Variants in RALGAPA1 observed in about 807,000 individuals in gnomAD.
RALGAPA1 encodes the protein ral GTPase-activating protein subunit alpha-1.
Under a neutral mutation model 269.6 loss-of-function variants are expected in RALGAPA1, and 52 were observed. That is an observed-to-expected ratio of 0.19 (90% CI 0.15 to 0.24). The LOEUF is 0.24. Among genes scored for constraint, RALGAPA1 ranks in the 10% least tolerant of loss-of-function variants. The pLI is 1.00. For missense variants in RALGAPA1, 1,917 were observed against 3,013.9 expected, an observed-to-expected ratio of 0.64 and a Z score of 8.52; for synonymous variants, 817 against 1,008.3, an observed-to-expected ratio of 0.81 and a Z score of 3.60.
chr14:35,771,856 G>A (rs1033131439), intron 3 of RALGAPA1, among the ~76,000 whole-genome samples: 2 of 152,084 alleles, frequency 1.3e-5, no homozygotes, highest in Non-Finnish European at 2.9e-5. Flanking sequence ...TTTCTATATT[G>A]TGGATATCAC....
Position 35,721,835 on chromosome 14 carries a change from A to G in RALGAPA1, c.2119T>C (p.Phe707Leu), listed in dbSNP as rs751579689. 3 of 1,613,068 alleles carry G rather than the reference A, an allele frequency of 1.9e-6. No homozygotes were observed. The African/African-American group carries it at 4.0e-5, about 22-fold the overall frequency. The change falls in exon 16 of 42, where the codon TTT becomes CTT. Residue 707 changes from phenylalanine (F) to leucine (L), a missense_variant. This residue lies in a region of RALGAPA1 where 40 missense variants were observed against 112.6 expected (regional missense o/e 0.36). Transcript: ENST00000680220. ...GACTTGTCAACTGAAACTTTCTGAAATTCATGTCCAACTCCTGGAAATGTA... is the reference window on the plus strand; with the variant it reads ...GACTTGTCAACTGAAACTTTCTGAAGTTCATGTCCAACTCCTGGAAATGTA... ...KHKGKGVGHE[F>L]QKVSVDKSFS...
At chr14:35,569,304 T>C (rs751864154) in intron 39 of RALGAPA1, among the ~76,000 whole-genome samples, 5 of 152,198 alleles carry the variant, frequency 3.3e-5, no homozygotes, top group Non-Finnish European at 7.3e-5. Flanking sequence ...AAATAAAATG[T>C]TTTAAATCAT....
intron 30 of RALGAPA1, among the ~76,000 whole-genome samples, chr14:35,654,074 T>A (rs1163674933): frequency 6.6e-6 from 1 of 152,176 alleles, no homozygotes; most frequent in African/African-American, 2.4e-5. Flanking sequence ...CTGGCCTCAA[T>A]CGATCCTTTC....
chr14:35,627,477 A>G lies in RALGAPA1; in HGVS notation c.6470T>C (p.Ile2157Thr), dbSNP rs923852520. The change falls in exon 34 of 42, where the codon ATA becomes ACA. Residue 2157 changes from isoleucine (I) to threonine (T), a missense_variant. Physicochemically the swap from Ile to Thr is moderately conservative, Grantham distance 89 (BLOSUM62 -1). This residue lies in a region of RALGAPA1 where 25 missense variants were observed against 19.2 expected (regional missense o/e 1.30). Transcript: ENST00000680220. ...PPTSNECLED[I>T]TVKDGLSLQF... is the part of the protein sequence containing the mutation. The stretch of plus-strand genomic sequence containing the variant: ...GAGAGAAAGTCCATCTTTTACGGTT[A>G]TATCTTCTAAGCATTCATTAGATGT... 8.1e-6 allele frequency: 13 copies of G among 1,613,308 alleles called. No homozygotes were observed. The highest frequency in any genetic ancestry group is 1.7e-4 in the Middle Eastern group (1 of 6,052).
chr14:35,639,725 GTCAGGA>G (rs1157932188), intron 31 of RALGAPA1, among the ~76,000 whole-genome samples: 1 of 152,082 alleles, frequency 6.6e-6, no homozygotes, highest in African/African-American at 2.4e-5. Flanking sequence ...GGATCATGAG[GTCAGGA>G]GATTGAGACC....
At chr14:35,779,967 C>T (rs575537653) in intron 1 of RALGAPA1, among the ~76,000 whole-genome samples, 22 of 152,104 alleles carry the variant, frequency 1.4e-4, no homozygotes, top group African/African-American at 4.3e-4. Flanking sequence ...ACTAGCTGGG[C>T]GTGGTGGTGG....
chr14:35,611,370 C>T (rs556464825), intron 35 of RALGAPA1, among the ~76,000 whole-genome samples: 15 of 152,074 alleles, frequency 9.9e-5, no homozygotes, highest in African/African-American at 3.1e-4. Flanking sequence ...GGTGTGGTTG[C>T]GTGCGCTTGT....
chr14:35,635,690 G>T, intron 31 of RALGAPA1, 92 bp from the exon 32 acceptor site: 1 of 1,192,022 alleles, frequency 8.4e-7, no homozygotes, highest in South Asian at 2.5e-5. Flanking sequence ...TCCAAAATTT[G>T]TTTCTGGAAT....
intron 31 of RALGAPA1, among the ~76,000 whole-genome samples, chr14:35,640,112 T>G (rs2061928099): frequency 6.6e-6 from 1 of 151,948 alleles, no homozygotes; most frequent in East Asian, 1.9e-4. Context: ...TTTATAGCTA[T>G]AAGCACCTAC....
At position 35,725,089 on chromosome 14, in the gene RALGAPA1, A is replaced by G; in HGVS notation, c.1801T>C (p.Phe601Leu). The G allele has an allele frequency of 6.2e-7, 1 of 1,609,716 alleles. No individual in the cohort carries two copies. Among genetic ancestry groups the G allele is most frequent in the South Asian group, 1.1e-5 (1 of 90,272 alleles). ...TTTTTTTTCCCTTGGAACTGTAGAA[A>G]AGCTTGTGATGGCATCTTCAGTACA... ...ESVLKMPSQA[F>L]LQFQGKKNMT... Residue 601 changes from phenylalanine to leucine, a missense_variant, in exon 14 of 42, where the codon TTT becomes CTT. Phe to Leu is a conservative substitution (Grantham distance 22, BLOSUM62 0). Coordinates refer to ENST00000680220, the MANE Select transcript of RALGAPA1 (RefSeq NM_001346249.2).
At chr14:35,602,382 G>A (rs1284958789) in intron 36 of RALGAPA1, among the ~76,000 whole-genome samples, 3 of 152,142 alleles carry the variant, frequency 2.0e-5, no homozygotes, top group Non-Finnish European at 4.4e-5. Flanking sequence ...ACTGTTTGAT[G>A]AACTGCCAGA....
rs5807843 is a variant in RALGAPA1 at position 35,764,090 on chromosome 14, C to CT, written c.326-1338dup. Among the ~76,000 whole-genome samples, 1,115 of 137,860 alleles carry CT rather than the reference C, an allele frequency of 8.1e-3. 9 individuals are homozygous for CT. The highest frequency in any genetic ancestry group is 0.024 in the South Asian group (102 of 4,328). 90.4% of individuals were successfully genotyped at this position (137,860 alleles called of 152,430 possible). A position where few individuals can be genotyped will look rare whatever the true frequency, so the allele number is the denominator to read the frequency against. On this transcript the variant is annotated intron_variant, in intron 4 of 41. Transcript: ENST00000680220. ...TTGCACAATTTTCAATTTAGTTGTT[C>CT]TTTTTTTTTTTTTTTAAAGAGATGG... is the stretch of plus-strand genomic sequence containing the variant.
chr14:35,676,015 AAG>A (rs2064908308), intron 22 of RALGAPA1, among the ~76,000 whole-genome samples: 2 of 152,154 alleles, frequency 1.3e-5, no homozygotes, highest in African/African-American at 4.8e-5. Flanking sequence ...AGAAAAAAAA[AAG>A]GTTTCTTGTG....
intron 35 of RALGAPA1, among the ~76,000 whole-genome samples, chr14:35,613,405 G>A (rs537141780): frequency 6.6e-6 from 1 of 152,200 alleles, no homozygotes; most frequent in African/African-American, 2.4e-5. Context: ...TAAAAAATAG[G>A]CAAAGACGTT....
Position 35,765,957 on chromosome 14 carries a change from C to G in RALGAPA1, c.326-3204G>C, listed in dbSNP as rs990349623. ...AGGCGTATTTGGACCAGTTAAAAAC[C>G]CCTGGAGTTATTCAAAACAATATAG... On this transcript the variant is annotated intron_variant, in intron 4 of 41. Transcript: ENST00000680220. The G allele has an allele frequency of 2.9e-6, 4 of 1,377,696 alleles. No homozygotes were observed. The African/African-American group carries it at 5.7e-5, about 20-fold the overall frequency. 85.3% of individuals were successfully genotyped at this position (1,377,696 alleles called of 1,614,324 possible).
chr14:35,673,094 T>C (rs1239090864), intron 24 of RALGAPA1, 72 bp from the exon 25 acceptor site: 3 of 1,307,330 alleles, frequency 2.3e-6, no homozygotes, highest in Non-Finnish European at 3.0e-6. Context: ...CAACTGAATA[T>C]AGCAAACGAT....
Position 35,786,493 on chromosome 14 carries a change from C to T in RALGAPA1, c.107-10748G>A, listed in dbSNP as rs369012974. Among the ~76,000 whole-genome samples, 5 of 151,974 alleles carry T rather than the reference C, an allele frequency of 3.3e-5. No individual in the cohort carries two copies. The East Asian group carries it at 7.8e-4, about 24-fold the overall frequency. ...TCCATTAAAAAATACAAAAAATTAG[C>T]CGGGCGTGCTGGCAGGCGCCTGTAG... On this transcript the variant is annotated intron_variant, in intron 1 of 41. Coordinates refer to ENST00000680220, the MANE Select transcript of RALGAPA1 (RefSeq NM_001346249.2).
intron 17 of RALGAPA1, among the ~76,000 whole-genome samples, chr14:35,691,795 T>TA (rs2066503917): frequency 6.6e-6 from 1 of 152,204 alleles, no homozygotes; most frequent in Non-Finnish European, 1.5e-5. Context: ...TTCCTAGTGA[T>TA]ATACTAGTAG....
At chr14:35,586,460 G>A (rs779790109) in intron 37 of RALGAPA1, among the ~76,000 whole-genome samples, 1 of 152,048 alleles carries the variant, frequency 6.6e-6, no homozygotes, top group Non-Finnish European at 1.5e-5. Flanking sequence ...CTGCCTGATT[G>A]CCCTGGCCAG....
Sources: allele counts gnomAD v4.1 joint callset (sites outside exome capture counted in the v4.1 genomes callset), GRCh38; gene constraint gnomAD v4.1.1; regional missense constraint gnomAD v4.1.1; transcripts MANE v1.5; gene names NCBI Gene and HGNC (gene_info 2026-07-23, HGNC 2026-07-21).